The following TCTN2 variants were observed in gnomAD, a reference collection of about 807,000 sequenced individuals.
TCTN2 encodes the protein tectonic-2.
In TCTN2, 66 loss-of-function variants were observed where a neutral mutation model predicts 83.4. That is an observed-to-expected ratio of 0.79 (90% CI 0.65 to 0.97). The LOEUF is 0.97. TCTN2 is among the 50% of genes least tolerant of loss of function. The pLI, the probability that TCTN2 is intolerant of heterozygous loss-of-function variation, is 0.00. For missense variants in TCTN2, 794 were observed against 858.1 expected (o/e 0.93, Z 0.93); for synonymous variants, 301 against 326.7 (o/e 0.92, Z 0.85).
At chr12:123,671,701 C>A in intron 2 of TCTN2, 87 bp downstream of exon 2, 1 of 1,192,796 alleles carries the variant, frequency 8.4e-7, no homozygotes, top group Non-Finnish European at 1.2e-6. Context: ...ATCCTTGGGG[C>A]CCCCTGCCTC....
intron 4 of TCTN2, among the ~76,000 whole-genome samples, chr12:123,676,980 C>T (rs942882020): frequency 2.0e-4 from 30 of 152,036 alleles, no homozygotes; most frequent in African/African-American, 7.0e-4. Context: ...GAGTTTGAGA[C>T]CAGCATGGAC....
intron 14 of TCTN2, among the ~76,000 whole-genome samples, chr12:123,703,447 G>A (rs1263098814): frequency 2.6e-5 from 4 of 152,100 alleles, no homozygotes; most frequent in African/African-American, 9.7e-5. Context: ...CTCCCAAAGT[G>A]TTGGGATTAC....
intron 9 of TCTN2, among the ~76,000 whole-genome samples, chr12:123,693,067 C>G (rs185191389): frequency 7.1e-6 from 1 of 140,764 alleles, no homozygotes; most frequent in East Asian, 2.1e-4. Context: ...GTTCTTGTCA[C>G]CCAGGCTGGA....
intron 14 of TCTN2, among the ~76,000 whole-genome samples, chr12:123,702,668 A>G (rs1003322453): frequency 6.6e-6 from 1 of 152,190 alleles, no homozygotes; most frequent in Non-Finnish European, 1.5e-5. Context: ...TCTGCCACCC[A>G]GGCCAGCTAG....
rs146705728 is a variant in TCTN2, at chr12:123,684,151, A to T, written c.565-2685A>T. Among the ~76,000 whole-genome samples, 226 of 152,296 alleles carry T rather than the reference A, an allele frequency of 1.5e-3. 1 individual carries two copies. The highest frequency in any genetic ancestry group is 6.8e-3 in the Middle Eastern group (2 of 294). On this transcript the variant is annotated intron_variant, in intron 5 of 17. Transcript: ENST00000303372. ...TAGAAAAGCTGCAGATATTCAAAGT[A>T]TCCTTGAATATGTGTTTGGAGATAA...
At chr12:123,705,928 G>A (rs974198176) in intron 15 of TCTN2, among the ~76,000 whole-genome samples, 1 of 151,888 alleles carries the variant, frequency 6.6e-6, no homozygotes, top group Admixed American at 6.6e-5. Flanking sequence ...GGCTAATTTT[G>A]TATTTTTAGT....
Position 123,706,724 on chromosome 12 carries a change from A to G in TCTN2, c.1770-2A>G, listed in dbSNP as rs1566265412. 3 of 1,613,878 alleles carry G rather than the reference A, an allele frequency of 1.9e-6. No individual in the cohort carries two copies. Among genetic ancestry groups the G allele is most frequent in the South Asian group, 1.1e-5 (1 of 91,070 alleles). On this transcript the variant is annotated splice_acceptor_variant, in intron 15 of 17. Coordinates refer to ENST00000303372, the MANE Select transcript of TCTN2 (RefSeq NM_024809.5). LOFTEE classifies it high-confidence loss of function. Reference sequence around the variant, plus strand: ...GCTGACCATGTGATCTTTCCCTCCTAGGTTCTCCTCAGTGAACTGGCAGTA... The same window carrying G: ...GCTGACCATGTGATCTTTCCCTCCTGGGTTCTCCTCAGTGAACTGGCAGTA...
At position 123,673,784 on chromosome 12, in the gene TCTN2, A is replaced by T; in HGVS notation, c.437A>T (p.Asn146Ile). ...HLLIQVEIYANSSLTHNASEN... is the reference protein window; with the variant it reads ...HLLIQVEIYAISSLTHNASEN... ...CTCATTCAAGTGGAAATTTATGCCA[A>T]CTCTTCTCTGACCCATAATGCCTCA... is the stretch of plus-strand genomic sequence containing the variant. The change falls in exon 4 of 18, where the codon AAC becomes ATC. Residue 146 changes from asparagine to isoleucine, a missense_variant. Asn to Ile is a moderately radical substitution (Grantham distance 149). Transcript: ENST00000303372. The T allele has an allele frequency of 6.2e-7, 1 of 1,614,114 alleles. No homozygotes were observed. The highest frequency in any genetic ancestry group is 8.5e-7 in the Non-Finnish European group (1 of 1,180,034).
chr12:123,680,251 C>T (rs1593839125), intron 5 of TCTN2, among the ~76,000 whole-genome samples: 2 of 150,240 alleles, frequency 1.3e-5, no homozygotes, highest in East Asian at 2.1e-4. Flanking sequence ...ACTCTGGAGG[C>T]TGAGGCAGGA....
intron 6 of TCTN2, among the ~76,000 whole-genome samples, chr12:123,687,299 G>A (rs1340117929): frequency 1.3e-5 from 2 of 152,160 alleles, no homozygotes; most frequent in African/African-American, 4.8e-5. Flanking sequence ...GTGGCTCATG[G>A]GAGATTTTAA....
In TCTN2 at chr12:123,707,920, G is replaced by A; in HGVS notation, c.*207G>A. 1 of 562,986 alleles carries A rather than the reference G, an allele frequency of 1.8e-6. No homozygotes were observed. The highest frequency in any genetic ancestry group is 3.2e-6 in the Non-Finnish European group (1 of 312,408). 34.9% of individuals were successfully genotyped at this position (562,986 alleles called of 1,614,324 possible). ...AGACAGGGTTCCACCGTATTGGCCA[G>A]GCTGCTCTCGAACTCCTGACCTCAT... is the stretch of plus-strand genomic sequence containing the variant. On this transcript the variant is annotated 3_prime_UTR_variant, in exon 18 of 18. Transcript: ENST00000303372.
At position 123,708,001 on chromosome 12, in the gene TCTN2, C is replaced by G. The variant is rs1046489860; in HGVS notation, c.*288C>G. 2 of 357,998 alleles carry G rather than the reference C, an allele frequency of 5.6e-6. No individual in the cohort carries two copies. Among genetic ancestry groups the G allele is most frequent in the Non-Finnish European group, 1.0e-5 (2 of 195,002 alleles). 22.2% of individuals were successfully genotyped at this position (357,998 alleles called of 1,614,324 possible). On this transcript the variant is annotated 3_prime_UTR_variant, in exon 18 of 18. Transcript: ENST00000303372. ...GAGATTACAGGCATGAGCCACCGCA[C>G]CCGGCCTTTTTTTTTTTTTTTTTTT...
chr12:123,690,339 G>C (rs1956025703), intron 7 of TCTN2, among the ~76,000 whole-genome samples, 194 bp from the exon 8 acceptor site: 1 of 152,176 alleles, frequency 6.6e-6, no homozygotes, highest in South Asian at 2.1e-4. Flanking sequence ...ACAACCAGTG[G>C]CTTCCAGACC....
In TCTN2 at chr12:123,688,067, T is replaced by C. The variant is rs140814969; in HGVS notation, c.781T>C (p.Ser261Pro). The change falls in exon 7 of 18, where the codon TCT (serine) becomes CCT (proline). Residue 261 changes from serine (S) to proline (P), a missense_variant. By Grantham distance (74) the Ser-to-Pro change is moderately conservative. Coordinates refer to ENST00000303372, the MANE Select transcript of TCTN2 (RefSeq NM_024809.5). ...GATTTTCAGTTCCCCCAAACAGGAC[T>C]CTTCCTTTGAAGTATATGTGGATAC... is the stretch of plus-strand genomic sequence containing the variant. ...YHGAVSPKQD[S>P]SFEVYVDTDA... 7 of 1,614,020 alleles carry C rather than the reference T, an allele frequency of 4.3e-6. No individual in the cohort carries two copies. In the African/African-American group the frequency reaches 6.7e-5, roughly 15 times the overall value.
At chr12:123,704,478 A>C in intron 14 of TCTN2, 54 bp from the exon 15 acceptor site, 2 of 1,547,918 alleles carry the variant, frequency 1.3e-6, no homozygotes, top group Non-Finnish European at 1.7e-6. Flanking sequence ...ACGACATTGT[A>C]GGAAAACTTA....
chr12:123,694,182 A>AG (rs1355666191), intron 9 of TCTN2, among the ~76,000 whole-genome samples: 2 of 151,646 alleles, frequency 1.3e-5, no homozygotes, highest in Non-Finnish European at 2.9e-5. Flanking sequence ...GTTAGTAGAG[A>AG]GGGGGTTTCA....
Position 123,687,957 on chromosome 12 carries a change from C to A in TCTN2, c.765-94C>A. On this transcript the variant is annotated intron_variant, in intron 6 of 17. Coordinates refer to ENST00000303372, the MANE Select transcript of TCTN2 (RefSeq NM_024809.5). Reference sequence around the variant, plus strand: ...CCAGCCTGGGTGACAGAGTGAGACTCCATCTCAGAAAACAAGAGTAAAGAA... The same window carrying A: ...CCAGCCTGGGTGACAGAGTGAGACTACATCTCAGAAAACAAGAGTAAAGAA... 7.9e-6 allele frequency: 12 copies of A among 1,519,796 alleles called. No homozygotes were observed. In the South Asian group the frequency reaches 1.0e-4, roughly 13 times the overall value. The allele number at this position is 1,519,796 out of a possible 1,614,324, so 94.1% of individuals were successfully genotyped here.
At chr12:123,685,558 A>G (rs540195098) in intron 5 of TCTN2, among the ~76,000 whole-genome samples, 78 of 151,978 alleles carry the variant, frequency 5.1e-4, no homozygotes, top group Admixed American at 4.1e-3. Context: ...AGCTGGGATT[A>G]TAGGTGTGTG....
At chr12:123,699,596 G>A (rs1471686778) in intron 13 of TCTN2, 108 bp from the exon 14 acceptor site, 2 of 917,172 alleles carry the variant, frequency 2.2e-6, no homozygotes, top group Admixed American at 3.7e-5. Context: ...AGTTCCTCTG[G>A]CAGTTTTTAA....
Sources: gnomAD v4.1 joint callset for allele counts (sites outside exome capture counted in the v4.1 genomes callset) on GRCh38, gnomAD v4.1.1 for gene constraint, MANE v1.5 for transcripts, NCBI Gene and HGNC (gene_info 2026-07-23, HGNC 2026-07-21) for gene names.